PLXNA2: variants seen among roughly 807,000 people sequenced by gnomAD.
PLXNA2 encodes the protein plexin A2.
PLXNA2 carries 91 observed loss-of-function variants against 193.5 expected under a neutral mutation model. The observed-to-expected ratio is 0.47, with a 90% CI of 0.40 to 0.56. The LOEUF (loss-of-function observed/expected upper bound fraction) is 0.56, where lower values mean the gene tolerates loss of function less well. Among genes scored for constraint, PLXNA2 ranks in the 20% least tolerant of loss-of-function variants. The pLI is 0.00. For missense variants in PLXNA2, 1,995 were observed against 2,503.2 expected (o/e 0.80, Z 4.33); for synonymous variants, 997 against 1,027.3 (o/e 0.97, Z 0.56).
chr1:208,040,237 G>T, intron 22 of PLXNA2, 179 bp from the exon 23 acceptor site: 1 of 603,866 alleles, frequency 1.7e-6, no homozygotes, highest in South Asian at 2.1e-5. Flanking sequence ...CCTGGGGGTA[G>T]GGGTGGCTTC....
intron 26 of PLXNA2, among the ~76,000 whole-genome samples, chr1:208,037,740 T>C (rs1484183019): frequency 1.3e-5 from 2 of 152,164 alleles, no homozygotes; most frequent in Non-Finnish European, 2.9e-5. Flanking sequence ...TTTCTTTTTT[T>C]TTTTTGACTG....
rs1476826731 is a variant in PLXNA2, at chr1:208,089,130, C to T, written c.2097+3656G>A. Among the ~76,000 whole-genome samples, 3 of 152,184 alleles carry T rather than the reference C, an allele frequency of 2.0e-5. No homozygotes were observed. The East Asian group carries it at 5.8e-4, about 29-fold the overall frequency. On this transcript the variant is annotated intron_variant, in intron 9 of 31. Transcript: ENST00000367033. ...TGTCAAGCCTAAGCATGGAATTGGTCCATCTGCCTTCTGGAAAGATGTGGG... is the reference window on the plus strand; with the variant it reads ...TGTCAAGCCTAAGCATGGAATTGGTTCATCTGCCTTCTGGAAAGATGTGGG...
rs1666377024 is a variant in PLXNA2 at position 208,082,446 on chromosome 1, G to T, written c.2361C>A (p.Gly787=). ...CCTGAGGGTTGTCAATGATGAAATT[G>T]CCGTTCCACACCACAGCGAAATCCA... ...LAVDFAVVWN[G]NFIIDNPQDL... Residue 787 remains glycine (G), a synonymous_variant, in exon 11 of 32, where the codon GGC becomes GGA. Coordinates refer to ENST00000367033, the MANE Select transcript of PLXNA2 (RefSeq NM_025179.4). This position sits in a 1 kb window ranked among gnomAD's most constrained non-coding sequence, Gnocchi z 4.2. 1.9e-6 allele frequency: 3 copies of T among 1,614,056 alleles called. No individual in the cohort carries two copies. The highest frequency in any genetic ancestry group is 2.7e-5 in the African/African-American group (2 of 75,004).
chr1:208,045,776 A>G, intron 18 of PLXNA2, 102 bp downstream of exon 18: 2 of 1,434,448 alleles, frequency 1.4e-6, no homozygotes, highest in Non-Finnish European at 1.9e-6. Context: ...GTTCAATTGC[A>G]TAGAAAGGAG....
In PLXNA2 at chr1:208,236,210, G is replaced by A. The variant is rs1671846689; in HGVS notation, c.-81+7433C>T. Among the ~76,000 whole-genome samples the A allele has an allele frequency of 6.6e-6, 1 of 152,138 alleles. No individual in the cohort carries two copies. The highest frequency in any genetic ancestry group is 1.5e-5 in the Non-Finnish European group (1 of 68,022). ...CTTGGGCTGGGCTCCCGCTAAGAACGCTGTTCTCAGTGAAATTCAAAAAAT... is the reference window on the plus strand; with the variant it reads ...CTTGGGCTGGGCTCCCGCTAAGAACACTGTTCTCAGTGAAATTCAAAAAAT... On this transcript the variant is annotated intron_variant, in intron 1 of 31. Transcript: ENST00000367033. The surrounding 1 kb of genome is among the most constrained non-coding windows in gnomAD (Gnocchi z 4.4).
intron 4 of PLXNA2, among the ~76,000 whole-genome samples, chr1:208,123,688 A>G (rs979170651): frequency 2.0e-5 from 3 of 152,138 alleles, no homozygotes; most frequent in African/African-American, 7.2e-5. Context: ...CTCTCCTCTA[A>G]TGGTTATCTG....
At position 208,105,116 on chromosome 1, in the gene PLXNA2, C is replaced by A. The variant is rs140887570; in HGVS notation, c.1507-1869G>T. ...AGTCCGGAGTTCAGGTCTCCGCAGCCTGCCCTAGGAGAGGCGTTGCTCAAC... is the reference window on the plus strand; with the variant it reads ...AGTCCGGAGTTCAGGTCTCCGCAGCATGCCCTAGGAGAGGCGTTGCTCAAC... On this transcript the variant is annotated intron_variant, in intron 4 of 31. Transcript: ENST00000367033. Among the ~76,000 whole-genome samples the A allele has an allele frequency of 2.1e-3, 314 of 152,366 alleles. 3 individuals carry two copies. The highest frequency in any genetic ancestry group is 6.1e-3 in the African/African-American group (252 of 41,586).
At chr1:208,157,096 T>C (rs1408481543) in intron 3 of PLXNA2, among the ~76,000 whole-genome samples, 1 of 152,222 alleles carries the variant, frequency 6.6e-6, no homozygotes, top group African/African-American at 2.4e-5. Context: ...ATAAATAATT[T>C]ACAGAATGTA....
intron 4 of PLXNA2, among the ~76,000 whole-genome samples, chr1:208,138,971 G>A (rs1036359629): frequency 1.3e-5 from 2 of 152,224 alleles, no homozygotes; most frequent in African/African-American, 4.8e-5. Flanking sequence ...AGGTTGCAGT[G>A]AGCCAAGGTC....
At chr1:208,098,700 C>A in intron 6 of PLXNA2, 146 bp downstream of exon 6, 2 of 853,004 alleles carry the variant, frequency 2.3e-6, no homozygotes, top group South Asian at 3.7e-5. Context: ...TAGGCATTGC[C>A]ATACGTTTGC....
At chr1:208,152,667 A>T (rs559129337) in intron 3 of PLXNA2, among the ~76,000 whole-genome samples, 24 of 93,900 alleles carry the variant, frequency 2.6e-4, no homozygotes, top group Admixed American at 2.2e-3. Flanking sequence ...ATGCATACAC[A>T]TACACACACA....
At position 208,084,453 on chromosome 1, in the gene PLXNA2, T is replaced by C. The variant is rs781479036; in HGVS notation, c.2225A>G (p.Asn742Ser). Residue 742 changes from asparagine (N) to serine (S), a missense_variant, in exon 10 of 32, where the codon AAC becomes AGC. By Grantham distance (46) the Asn-to-Ser change is conservative (BLOSUM62 1). Around this residue, in one of 3 missense-constraint regions of PLXNA2, gnomAD observed 1,291 missense variants for 1,673.6 expected, o/e 0.77. Coordinates refer to ENST00000367033, the MANE Select transcript of PLXNA2 (RefSeq NM_025179.4). ...SGQRGYECVL[N>S]IQGAIHRVPA... ...GACCCGGTGGATGGCTCCTTGTATG[T>C]TGAGGACACACTCATAGCCTCGCTG... 1.2e-6 allele frequency: 2 copies of C among 1,614,260 alleles called. No homozygotes were observed. The highest frequency in any genetic ancestry group is 1.3e-5 in the African/African-American group (1 of 75,068).
chr1:208,071,563 G>A (rs1046638623), intron 12 of PLXNA2, among the ~76,000 whole-genome samples: 2 of 152,204 alleles, frequency 1.3e-5, no homozygotes, highest in Non-Finnish European at 2.9e-5. Context: ...CCTCACAGTA[G>A]GCTAGAGCCC....
intron 3 of PLXNA2, among the ~76,000 whole-genome samples, chr1:208,185,940 C>T (rs1351165724): frequency 6.6e-6 from 1 of 152,078 alleles, no homozygotes; most frequent in South Asian, 2.1e-4. Flanking sequence ...TCTATCAAGA[C>T]TTAGCAACCA....
intron 4 of PLXNA2, among the ~76,000 whole-genome samples, chr1:208,104,027 G>C (rs573322031): frequency 6.6e-6 from 1 of 152,274 alleles, no homozygotes; most frequent in Admixed American, 6.5e-5. Context: ...ATAAAGACCA[G>C]GCAAGGGGGC....
intron 3 of PLXNA2, among the ~76,000 whole-genome samples, chr1:208,188,891 C>G (rs868302461): frequency 6.6e-6 from 1 of 152,106 alleles, no homozygotes; most frequent in African/African-American, 2.4e-5. Context: ...GTTGTGGAAG[C>G]TCCTCTTCTT....
chr1:208,147,214 G>A (rs1419050222), intron 3 of PLXNA2, among the ~76,000 whole-genome samples: 1 of 151,772 alleles, frequency 6.6e-6, no homozygotes, highest in African/African-American at 2.4e-5. Context: ...TTAGAGACAG[G>A]GTCTCATTAT....
intron 10 of PLXNA2, among the ~76,000 whole-genome samples, chr1:208,083,059 T>C (rs1476919956): frequency 6.6e-6 from 1 of 152,174 alleles, no homozygotes; most frequent in Admixed American, 6.5e-5. Flanking sequence ...GCCCTCTTAC[T>C]ACTCTTGTAA....
chr1:208,148,372 C>G (rs946072062), intron 3 of PLXNA2, among the ~76,000 whole-genome samples: 9 of 152,088 alleles, frequency 5.9e-5, no homozygotes, highest in Admixed American at 5.9e-4. Flanking sequence ...AAAGGCATCA[C>G]CACACAGAAG....
Sources: gnomAD v4.1 joint callset for allele counts (sites outside exome capture counted in the v4.1 genomes callset) on GRCh38, gnomAD v4.1.1 for gene constraint, gnomAD v4.1.1 regional missense constraint, Gnocchi (gnomAD v3.1) non-coding constraint, MANE v1.5 for transcripts, NCBI Gene and HGNC (gene_info 2026-07-23, HGNC 2026-07-21) for gene names.